Variants in INTS10 observed in about 807,000 individuals in gnomAD.
INTS10 encodes the protein integrator complex subunit 10.
INTS10 carries 44 observed loss-of-function variants against 94.4 expected under a neutral mutation model. The observed-to-expected ratio is 0.47, with a 90% CI of 0.37 to 0.60. The LOEUF is 0.60. Among genes scored for constraint, INTS10 ranks in the 20% least tolerant of loss-of-function variants. The pLI is 0.00. For synonymous variants in INTS10, 341 were observed against 320.7 expected, an observed-to-expected ratio of 1.06 and a Z score of -0.68; for missense variants, 797 against 868.7, an observed-to-expected ratio of 0.92 and a Z score of 1.04.
intron 12 of INTS10, among the ~76,000 whole-genome samples, chr8:19,836,063 G>T (rs2067636154): frequency 1.3e-5 from 2 of 152,032 alleles, no homozygotes; most frequent in Admixed American, 6.6e-5. Context: ...TTAAAACCTA[G>T]ATGACGGGTT....
intron 16 of INTS10, 48 bp downstream of exon 16, chr8:19,845,845 T>A (rs759556030): frequency 1.4e-5 from 18 of 1,274,970 alleles, no homozygotes; most frequent in Middle Eastern, 1.8e-4. Flanking sequence ...TCACCTTTTG[T>A]GTCTTTGTAT....
At chr8:19,847,849 A>G (rs2068707785) in intron 16 of INTS10, among the ~76,000 whole-genome samples, 1 of 152,154 alleles carries the variant, frequency 6.6e-6, no homozygotes, top group Non-Finnish European at 1.5e-5. Flanking sequence ...TGTGTAAAGG[A>G]TACCCATCAT....
intron 9 of INTS10, among the ~76,000 whole-genome samples, chr8:19,827,813 C>T (rs2066920146): frequency 6.6e-6 from 1 of 152,166 alleles, no homozygotes; most frequent in South Asian, 2.1e-4. Context: ...CCTGAGTCTG[C>T]CCCAACCTGA....
chr8:19,841,016 C>T (rs1393002653), intron 13 of INTS10, among the ~76,000 whole-genome samples: 1 of 152,130 alleles, frequency 6.6e-6, no homozygotes, highest in Admixed American at 6.5e-5. Context: ...GACTTCAAGA[C>T]TTATTTTAAA....
intron 16 of INTS10, among the ~76,000 whole-genome samples, chr8:19,847,217 TAA>T (rs1279707013): frequency 2.6e-5 from 4 of 152,228 alleles, no homozygotes; most frequent in Non-Finnish European, 5.9e-5. Flanking sequence ...TATTAAATTA[TAA>T]ACTTTTAAAA....
chr8:19,836,958 T>C, intron 12 of INTS10, 94 bp from the exon 13 acceptor site: 1 of 785,374 alleles, frequency 1.3e-6, no homozygotes, highest in Non-Finnish European at 2.3e-6. Flanking sequence ...CATGTACACA[T>C]TGCCTGATTG....
chr8:19,825,064 C>A, intron 8 of INTS10, 92 bp downstream of exon 8: 2 of 1,102,022 alleles, frequency 1.8e-6, no homozygotes, highest in Non-Finnish European at 2.7e-6. Flanking sequence ...ATTGCTGGAT[C>A]CGAATAACTG....
At chr8:19,831,156 C>A (rs1197326931) in intron 10 of INTS10, among the ~76,000 whole-genome samples, 2 of 152,084 alleles carry the variant, frequency 1.3e-5, no homozygotes, top group Non-Finnish European at 2.9e-5. Flanking sequence ...TACTTTTAGC[C>A]CGTGGACATT....
chr8:19,820,577 CA>C, intron 4 of INTS10, 59 bp downstream of exon 4: 1 of 1,475,966 alleles, frequency 6.8e-7, no homozygotes, highest in Non-Finnish European at 9.3e-7. Context: ...TCAACAGATT[CA>C]TCGGTATGGT....
intron 7 of INTS10, 43 bp from the exon 8 acceptor site, chr8:19,824,760 G>T: frequency 2.1e-6 from 3 of 1,462,958 alleles, no homozygotes; most frequent in Non-Finnish European, 2.8e-6. Context: ...TTGCTGACCA[G>T]CCCAGAGTAA....
At chr8:19,818,931 G>A (rs966311476) in intron 2 of INTS10, 2 of 152,280 alleles carry the variant, frequency 1.3e-5, no homozygotes, top group Non-Finnish European at 2.9e-5. Flanking sequence ...ATTATATTCA[G>A]TGTGTCAACA....
chr8:19,829,424 C>T, intron 9 of INTS10, among the ~76,000 whole-genome samples: 1 of 151,096 alleles, frequency 6.6e-6, no homozygotes, highest in African/African-American at 2.4e-5. Flanking sequence ...AATTGCCTTT[C>T]TCTGTAGCCT....
intron 11 of INTS10, 101 bp downstream of exon 11, chr8:19,832,211 T>A (rs575558176): frequency 1.4e-6 from 1 of 716,414 alleles, no homozygotes; most frequent in East Asian, 2.6e-5. Context: ...CCTCTTGGGC[T>A]AGTCCACTGC....
Position 19,823,294 on chromosome 8 carries a change from C to G in INTS10, c.524-7C>G. On this transcript the variant is annotated splice_region_variant and splice_polypyrimidine_tract_variant and intron_variant, in intron 5 of 16. Coordinates refer to ENST00000397977, the MANE Select transcript of INTS10 (RefSeq NM_018142.4). Reference sequence around the variant, plus strand: ...TTAATTTATTTCTTCTTTTTCTCCTCCAACAGTTTGTGATGTCCTTCCTCT... The same window carrying G: ...TTAATTTATTTCTTCTTTTTCTCCTGCAACAGTTTGTGATGTCCTTCCTCT... The G allele has an allele frequency of 6.2e-7, 1 of 1,602,944 alleles. No homozygotes were observed.
In INTS10 at chr8:19,820,388, A is replaced by C. The variant is rs755273551; in HGVS notation, c.311A>C (p.Glu104Ala). The part of the protein sequence containing the change: ...KQTQFLRSLF[E>A]TLPGRVQCEM... ...AATATGTTTCGTACAGGTTTATTTGAAACTCTTCCTGGTCGGGTCCAGTGT... is the reference window on the plus strand; with the variant it reads ...AATATGTTTCGTACAGGTTTATTTGCAACTCTTCCTGGTCGGGTCCAGTGT... The change falls in exon 4 of 17, where the codon GAA becomes GCA. Residue 104 changes from glutamate (E) to alanine (A), a missense_variant. Physicochemically the swap from Glu to Ala is moderately radical, Grantham distance 107. Around this residue, in one of 3 missense-constraint regions of INTS10, gnomAD observed 734 missense variants for 787.8 expected, o/e 0.93. Transcript: ENST00000397977. 1 of 1,609,876 alleles carries C rather than the reference A, an allele frequency of 6.2e-7. No homozygotes were observed. Among genetic ancestry groups the C allele is most frequent in the South Asian group, 1.1e-5 (1 of 90,546 alleles).
chr8:19,848,035 G>T lies in INTS10; in HGVS notation c.1976+2238G>T, dbSNP rs563720847. ...ATCTGACCTCGTAGGGATTTGCCCA[G>T]TCTTCACTGTGTGAATCTCAAGGTT... On this transcript the variant is annotated intron_variant, in intron 16 of 16. Transcript: ENST00000397977. 3.3e-5 allele frequency among the ~76,000 whole-genome samples: 5 copies of T among 152,344 alleles called. No homozygotes were observed. In the South Asian group the frequency reaches 6.2e-4, roughly 19 times the overall value.
At position 19,823,324 on chromosome 8, in the gene INTS10, A is replaced by C. The variant is rs780230543; in HGVS notation, c.547A>C (p.Ile183Leu). The part of the protein sequence containing the change: ...LFVCDVLPLI[I>L]NNHDVRLPAN... ...AGTTTGTGATGTCCTTCCTCTAATA[A>C]TTAACAACCATGATGTTCGATTACC... is the stretch of plus-strand genomic sequence containing the variant. The change falls in exon 6 of 17, where the codon ATT becomes CTT. Residue 183 changes from isoleucine to leucine, a missense_variant. Ile to Leu is a conservative substitution (Grantham distance 5). Around this residue, in one of 3 missense-constraint regions of INTS10, gnomAD observed 734 missense variants for 787.8 expected, o/e 0.93. Coordinates refer to ENST00000397977, the MANE Select transcript of INTS10 (RefSeq NM_018142.4). 3 of 1,608,226 alleles carry C rather than the reference A, an allele frequency of 1.9e-6. No individual in the cohort carries two copies. In the African/African-American group the frequency reaches 4.0e-5, roughly 22 times the overall value.
intron 7 of INTS10, 83 bp downstream of exon 7, chr8:19,824,127 TA>T: frequency 1.6e-6 from 2 of 1,245,546 alleles, no homozygotes; most frequent in East Asian, 4.8e-5. Flanking sequence ...TAAATCTGTG[TA>T]ATGCGTAGGT....
At chr8:19,844,022 G>T (rs544387796) in intron 14 of INTS10, 54 bp from the exon 15 acceptor site, 7 of 1,432,250 alleles carry the variant, frequency 4.9e-6, no homozygotes, top group East Asian at 2.3e-5. Context: ...CTGTATTTCA[G>T]ATTACCCTGT....
Sources: gnomAD v4.1 joint callset for allele counts (sites outside exome capture counted in the v4.1 genomes callset) on GRCh38, gnomAD v4.1.1 for gene constraint, gnomAD v4.1.1 regional missense constraint, MANE v1.5 for transcripts, NCBI Gene and HGNC (gene_info 2026-07-23, HGNC 2026-07-21) for gene names.